Variants in AFG2A observed in about 807,000 individuals in gnomAD.
AFG2A encodes AAA ATPase AFG2A, also known as ATPase family gene 2 protein homolog A.
At chr4:123,164,686 A>G in the AFG2A span, among the ~76,000 whole-genome samples, 1 of 152,216 alleles carries the variant, frequency 6.6e-6, no homozygotes, top group Non-Finnish European at 1.5e-5. Context: ...TGAAGTCTCT[A>G]TGCCAATACT....
chr4:123,306,462 T>C, the AFG2A span, among the ~76,000 whole-genome samples: 3 of 152,214 alleles, frequency 2.0e-5, no homozygotes, highest in Admixed American at 6.5e-5. Context: ...GCTATTTTTT[T>C]GTCTTATTTT....
the AFG2A span, among the ~76,000 whole-genome samples, chr4:123,189,502 G>A: frequency 3.8e-4 from 58 of 151,728 alleles, no homozygotes; most frequent in Non-Finnish European, 7.1e-4. Flanking sequence ...CAGAATCTCC[G>A]TTAACCCTCA....
chr4:122,960,314 G>A, the AFG2A span, among the ~76,000 whole-genome samples: 1 of 152,218 alleles, frequency 6.6e-6, no homozygotes, highest in South Asian at 2.1e-4. Context: ...CATTTTTTGG[G>A]AAAACATGAA....
the AFG2A span, among the ~76,000 whole-genome samples, chr4:123,032,858 A>G: frequency 2.9e-4 from 44 of 152,354 alleles, no homozygotes; most frequent in African/African-American, 9.1e-4. Context: ...CTGTGTTGCC[A>G]CGTCACTTTT....
the AFG2A span, among the ~76,000 whole-genome samples, chr4:122,990,441 C>T: frequency 1.3e-5 from 2 of 152,048 alleles, no homozygotes; most frequent in South Asian, 2.1e-4. Context: ...TGTGTATAGG[C>T]GTTTCAGTAT....
the AFG2A span, among the ~76,000 whole-genome samples, chr4:122,932,323 G>A: frequency 2.6e-5 from 4 of 151,850 alleles, no homozygotes. Context: ...TGACCAGATG[G>A]GCACACAGGC....
the AFG2A span, among the ~76,000 whole-genome samples, chr4:123,244,375 G>C: frequency 6.6e-6 from 1 of 152,178 alleles, no homozygotes; most frequent in Non-Finnish European, 1.5e-5. Flanking sequence ...TGGGGTGAGA[G>C]ACAGAAACAC....
chr4:122,948,738 G>A, the AFG2A span, among the ~76,000 whole-genome samples: 2 of 152,128 alleles, frequency 1.3e-5, no homozygotes, highest in African/African-American at 2.4e-5. Flanking sequence ...CATGCAGCTT[G>A]TATAGCATTT....
the AFG2A span, chr4:123,256,997 A>T: frequency 3.2e-6 from 1 of 313,416 alleles, no homozygotes; most frequent in Non-Finnish European, 4.6e-6. Context: ...TTTTTTAAGT[A>T]CAAGGTTACA....
At chr4:123,172,198 A>T in the AFG2A span, among the ~76,000 whole-genome samples, 1 of 152,238 alleles carries the variant, frequency 6.6e-6, no homozygotes, top group African/African-American at 2.4e-5. Flanking sequence ...TACCCTAATT[A>T]GTGCCTTTTG....
chr4:123,115,220 C>T, the AFG2A span, among the ~76,000 whole-genome samples: 3 of 151,066 alleles, frequency 2.0e-5, no homozygotes, highest in Admixed American at 6.6e-5. Flanking sequence ...GGCTCCTCCT[C>T]GCACAGCTTG....
the AFG2A span, among the ~76,000 whole-genome samples, chr4:122,955,876 G>A: frequency 0.012 from 1,878 of 152,238 alleles, 43 homozygotes; most frequent in African/African-American, 0.042. Context: ...TGCTTCTAGC[G>A]TCACAGGGAT....
the AFG2A span, among the ~76,000 whole-genome samples, chr4:122,964,175 A>G: frequency 6.6e-6 from 1 of 152,178 alleles, no homozygotes; most frequent in Non-Finnish European, 1.5e-5. Flanking sequence ...GGTGAAGTGA[A>G]TTAATCTTGA....
At chr4:123,163,889 T>C in the AFG2A span, among the ~76,000 whole-genome samples, 2 of 152,208 alleles carry the variant, frequency 1.3e-5, no homozygotes, top group African/African-American at 4.8e-5. Context: ...TCTCTAAACC[T>C]TATGTAATAC....
the AFG2A span, among the ~76,000 whole-genome samples, chr4:123,024,246 CAAAAG>C: frequency 4.8e-5 from 6 of 123,940 alleles, no homozygotes; most frequent in Admixed American, 4.0e-4. Flanking sequence ...AAAAAAGAAA[CAAAAG>C]AAAAAATAAA....
the AFG2A span, chr4:122,934,848 T>C: frequency 1.4e-5 from 19 of 1,341,770 alleles, no homozygotes; most frequent in Non-Finnish European, 1.9e-5. Flanking sequence ...ATTTTCTGAG[T>C]AGTAGGTATG....
the AFG2A span, among the ~76,000 whole-genome samples, chr4:123,237,880 C>T: frequency 6.6e-6 from 1 of 152,050 alleles, no homozygotes; most frequent in Non-Finnish European, 1.5e-5. Context: ...GGCATTGCCT[C>T]ACCCAGGAAC....
At chr4:122,967,269 G>A in the AFG2A span, among the ~76,000 whole-genome samples, 1 of 152,096 alleles carries the variant, frequency 6.6e-6, no homozygotes, top group Middle Eastern at 3.4e-3. Context: ...TGGTGGTAGT[G>A]TGTGTCTGTA....
chr4:122,957,530 T>C, the AFG2A span, among the ~76,000 whole-genome samples: 14 of 152,330 alleles, frequency 9.2e-5, no homozygotes, highest in South Asian at 1.7e-3. Context: ...TCCTGTTTAC[T>C]ATGATGTGTG....
Sources: allele counts gnomAD v4.1 joint callset (sites outside exome capture counted in the v4.1 genomes callset), GRCh38; gene constraint gnomAD v4.1.1; transcripts MANE v1.5; gene names NCBI Gene and HGNC (gene_info 2026-07-23, HGNC 2026-07-21).